AHI1: variants seen among roughly 807,000 people sequenced by gnomAD.
AHI1 encodes Abelson helper integration site 1.
AHI1 carries 123 observed loss-of-function variants against 149.3 expected under a neutral mutation model. The observed-to-expected ratio is 0.82, with a 90% CI of 0.71 to 0.96. The LOEUF is 0.96. Ranked by LOEUF, AHI1 falls within the 40% of genes least tolerant of loss-of-function variation. The pLI is 0.00. For missense variants in AHI1, 1,439 were observed against 1,422.7 expected (o/e 1.01, Z -0.18); for synonymous variants, 475 against 459.8 (o/e 1.03, Z -0.42).
chr6:135,320,301 C>A (rs1302276416), intron 25 of AHI1, among the ~76,000 whole-genome samples: 1 of 151,850 alleles, frequency 6.6e-6, no homozygotes, highest in East Asian at 1.9e-4. Flanking sequence ...ATAAATTATT[C>A]TGGGATACAA....
intron 5 of AHI1, among the ~76,000 whole-genome samples, chr6:135,489,046 G>A (rs1170510113): frequency 6.6e-6 from 1 of 152,114 alleles, no homozygotes; most frequent in Non-Finnish European, 1.5e-5. Flanking sequence ...AAGATAGAAA[G>A]CATTAAGGCA....
chr6:135,293,511 T>G (rs1367555566), intron 27 of AHI1, among the ~76,000 whole-genome samples: 1 of 146,660 alleles, frequency 6.8e-6, no homozygotes, highest in Non-Finnish European at 1.5e-5. Context: ...ACACAGAATA[T>G]CTCGTGGAAT....
rs542422335 is a variant in AHI1, at chr6:135,477,829, G to A, written c.136-10195C>T. ...TTTTCTCATAAATTACCCAGTCTCC[G>A]CTCTGTTGCCCAGGCTGGAATGCAG... On this transcript the variant is annotated intron_variant, in intron 5 of 28. Coordinates refer to ENST00000265602, the MANE Select transcript of AHI1 (RefSeq NM_001134831.2). 5.9e-5 allele frequency among the ~76,000 whole-genome samples: 9 copies of A among 152,158 alleles called. No homozygotes were observed. In the South Asian group the frequency reaches 1.9e-3, roughly 32 times the overall value.
intron 25 of AHI1, among the ~76,000 whole-genome samples, chr6:135,319,280 A>G (rs1346216280): frequency 6.6e-6 from 1 of 152,204 alleles, no homozygotes; most frequent in African/African-American, 2.4e-5. Context: ...GTTTGAGACC[A>G]GCCTGGCCAA....
chr6:135,408,553 A>G (rs1465435412), intron 21 of AHI1, among the ~76,000 whole-genome samples: 1 of 152,160 alleles, frequency 6.6e-6, no homozygotes, highest in East Asian at 1.9e-4. Flanking sequence ...ATCTAAACCC[A>G]GAGATGGAAT....
intron 2 of AHI1, among the ~76,000 whole-genome samples, chr6:135,496,509 T>G (rs1056830567): frequency 6.6e-6 from 1 of 152,228 alleles, no homozygotes; most frequent in Non-Finnish European, 1.5e-5. Context: ...AGATAGGACT[T>G]TAAAAGACAC....
chr6:135,323,446 G>A (rs780975979), intron 24 of AHI1, 122 bp from the exon 25 acceptor site: 15 of 1,043,936 alleles, frequency 1.4e-5, no homozygotes, highest in Non-Finnish European at 1.9e-5. Context: ...TAAGTGTGAG[G>A]CTGTCTCAAG....
intron 24 of AHI1, among the ~76,000 whole-genome samples, chr6:135,329,757 T>G (rs777068656): frequency 6.6e-6 from 1 of 152,230 alleles, no homozygotes; most frequent in Non-Finnish European, 1.5e-5. Flanking sequence ...AGCAAGTAAG[T>G]TGAAAACCTT....
At chr6:135,447,766 C>G (rs546116231) in intron 12 of AHI1, among the ~76,000 whole-genome samples, 1 of 152,158 alleles carries the variant, frequency 6.6e-6, no homozygotes, top group Non-Finnish European at 1.5e-5. Flanking sequence ...ACATTACATA[C>G]TGATTATTTG....
chr6:135,352,770 G>A (rs1171631962), intron 24 of AHI1, among the ~76,000 whole-genome samples: 1 of 145,216 alleles, frequency 6.9e-6, no homozygotes, highest in African/African-American at 2.5e-5. Context: ...ATATGTGTGT[G>A]TATACATATA....
chr6:135,381,812 T>A (rs1207670632), intron 23 of AHI1, among the ~76,000 whole-genome samples: 1 of 152,214 alleles, frequency 6.6e-6, no homozygotes, highest in Non-Finnish European at 1.5e-5. Flanking sequence ...CCAGATAGAC[T>A]GGAAAGCCTC....
chr6:135,457,610 C>T lies in AHI1; in HGVS notation c.1035G>A (p.Leu345=). Reference sequence around the variant, plus strand: ...TATCAGTTCGGTGAATGTAAACTCCCAAGACAAGGTCATCATCAAGCAAAC... The same window carrying T: ...TATCAGTTCGGTGAATGTAAACTCCTAAGACAAGGTCATCATCAAGCAAAC... ...PKCLLDDDLV[L]GVYIHRTDRL... Residue 345 remains leucine (L), a synonymous_variant, in exon 9 of 29, where the codon TTG becomes TTA. Transcript: ENST00000265602. The T allele has an allele frequency of 6.2e-7, 1 of 1,613,882 alleles. No homozygotes were observed. The highest frequency in any genetic ancestry group is 8.5e-7 in the Non-Finnish European group (1 of 1,179,854).
At chr6:135,300,049 G>C (rs1455018609) in intron 27 of AHI1, among the ~76,000 whole-genome samples, 1 of 152,076 alleles carries the variant, frequency 6.6e-6, no homozygotes, top group Non-Finnish European at 1.5e-5. Context: ...AAACAGCCAG[G>C]CATGGTGGCT....
chr6:135,295,336 A>C (rs972275256), intron 27 of AHI1, among the ~76,000 whole-genome samples: 7 of 152,244 alleles, frequency 4.6e-5, no homozygotes, highest in Admixed American at 3.3e-4. Context: ...CCGTATGGAA[A>C]ACAATTTGGC....
intron 20 of AHI1, among the ~76,000 whole-genome samples, chr6:135,415,134 A>G (rs369506773): frequency 6.6e-6 from 1 of 151,964 alleles, no homozygotes; most frequent in Non-Finnish European, 1.5e-5. Flanking sequence ...CCCTACAAAG[A>G]ACATGAACTC....
chr6:135,492,252 C>A lies in AHI1; in HGVS notation c.-15G>T. ...CCTGTAGGCATCTCTCAGCTTTATG[C>A]AGAGGACTGAGAATGCAAAGCATTG... On this transcript the variant is annotated 5_prime_UTR_variant, in exon 4 of 29. Transcript: ENST00000265602. 6.5e-7 allele frequency: 1 copy of A among 1,537,034 alleles called. No homozygotes were observed. The highest frequency in any genetic ancestry group is 2.0e-5 in the Admixed American group (1 of 50,604).
intron 23 of AHI1, among the ~76,000 whole-genome samples, chr6:135,371,584 T>G (rs973486226): frequency 4.6e-5 from 7 of 152,224 alleles, no homozygotes; most frequent in Non-Finnish European, 7.3e-5. Flanking sequence ...TTATTTAATT[T>G]TATAGCTCAT....
At chr6:135,388,952 C>T (rs1430113310) in intron 23 of AHI1, among the ~76,000 whole-genome samples, 1 of 151,608 alleles carries the variant, frequency 6.6e-6, no homozygotes, top group African/African-American at 2.4e-5. Context: ...GCGGAGGTTA[C>T]AGCGAGCTGA....
intron 20 of AHI1, among the ~76,000 whole-genome samples, chr6:135,420,452 T>C (rs1209466404): frequency 6.6e-6 from 1 of 152,180 alleles, no homozygotes; most frequent in Non-Finnish European, 1.5e-5. Context: ...TTCATCTCCA[T>C]TGAAAATCTG....
Sources: allele counts gnomAD v4.1 joint callset (sites outside exome capture counted in the v4.1 genomes callset), GRCh38; gene constraint gnomAD v4.1.1; transcripts MANE v1.5; gene names NCBI Gene and HGNC (gene_info 2026-07-23, HGNC 2026-07-21).